The following CDH12 variants were observed in gnomAD, a reference collection of about 807,000 sequenced individuals.
CDH12 encodes the protein cadherin-12.
CDH12 carries 41 observed loss-of-function variants against 74.1 expected under a neutral mutation model. The observed-to-expected ratio is 0.55, with a 90% CI of 0.43 to 0.72. The LOEUF (loss-of-function observed/expected upper bound fraction) is 0.72, where lower values mean the gene tolerates loss of function less well. Among genes scored for constraint, CDH12 ranks in the 30% least tolerant of loss-of-function variants. The pLI is 0.00. For synonymous variants in CDH12, 399 were observed against 355.0 expected (o/e 1.12, Z -1.39); for missense variants, 945 against 977.2 (o/e 0.97, Z 0.44).
At chr5:21,846,985 A>G (rs550944702) in intron 7 of CDH12, among the ~76,000 whole-genome samples, 4 of 152,204 alleles carry the variant, frequency 2.6e-5, no homozygotes, top group South Asian at 4.1e-4. Context: ...TCTCCACCCA[A>G]TGAGGTTTAT....
intron 3 of CDH12, among the ~76,000 whole-genome samples, chr5:22,335,246 T>C (rs1473125797): frequency 2.6e-5 from 4 of 152,128 alleles, no homozygotes; most frequent in African/African-American, 2.4e-5. Flanking sequence ...TTCCCACATG[T>C]TGTGGGAGGG....
intron 3 of CDH12, among the ~76,000 whole-genome samples, chr5:22,345,526 C>T (rs1214456080): frequency 6.6e-6 from 1 of 152,162 alleles, no homozygotes; most frequent in Non-Finnish European, 1.5e-5. Flanking sequence ...CCTTTTAACA[C>T]TAATCAATAT....
In CDH12 at chr5:22,145,763, G is replaced by A. The variant is rs1379445791; in HGVS notation, c.-187+66735C>T. Among the ~76,000 whole-genome samples the A allele has an allele frequency of 7.2e-5, 11 of 152,180 alleles. No individual in the cohort carries two copies. The South Asian group carries it at 2.1e-3, about 29-fold the overall frequency. On this transcript the variant is annotated intron_variant, in intron 4 of 14. Coordinates refer to ENST00000382254, the MANE Select transcript of CDH12 (RefSeq NM_004061.5). ...TCAATAGTTTCGAGACAGACATACA[G>A]TAGGGACATCGAAGGTACAAAATAG...
At chr5:22,020,774 C>A (rs1396269252) in intron 5 of CDH12, among the ~76,000 whole-genome samples, 1 of 151,860 alleles carries the variant, frequency 6.6e-6, no homozygotes, top group Admixed American at 6.6e-5. Context: ...CATAAAATGT[C>A]AATTACCACC....
chr5:21,928,170 T>C (rs776479360), intron 6 of CDH12, among the ~76,000 whole-genome samples: 7 of 152,204 alleles, frequency 4.6e-5, no homozygotes, highest in South Asian at 2.1e-4. Flanking sequence ...GCCATCTTTA[T>C]AGATATTGAA....
chr5:22,766,333 T>C (rs1472362927), intron 1 of CDH12, among the ~76,000 whole-genome samples: 6 of 151,848 alleles, frequency 4.0e-5, no homozygotes, highest in Admixed American at 3.9e-4. Context: ...TCATTTAGAG[T>C]TAGAAAAAAA....
intron 13 of CDH12, among the ~76,000 whole-genome samples, chr5:21,756,677 C>T (rs1395269893): frequency 6.6e-6 from 1 of 152,082 alleles, no homozygotes; most frequent in Admixed American, 6.6e-5. Context: ...GTCACAGTAA[C>T]CCCTAGAAAC....
chr5:22,209,167 AATCATAT>A (rs1297202370), intron 4 of CDH12, among the ~76,000 whole-genome samples: 1 of 152,164 alleles, frequency 6.6e-6, no homozygotes, highest in Admixed American at 6.5e-5. Flanking sequence ...TATGACAGCT[AATCATAT>A]TAAATTTTCC....
chr5:22,698,226 A>G (rs1253264946), intron 1 of CDH12, among the ~76,000 whole-genome samples: 1 of 145,572 alleles, frequency 6.9e-6, no homozygotes, highest in Non-Finnish European at 1.5e-5. Context: ...GGTTCAAGCA[A>G]TTCTCCTGCC....
At chr5:22,850,805 T>C (rs13172440) in intron 1 of CDH12, among the ~76,000 whole-genome samples, 60,468 of 151,882 alleles carry the variant, frequency 0.4, 12,547 homozygotes, top group Admixed American at 0.46. Flanking sequence ...TTTATATTTT[T>C]ACATGAAAAC....
intron 6 of CDH12, among the ~76,000 whole-genome samples, chr5:21,924,256 G>A (rs766570647): frequency 3.9e-5 from 6 of 152,198 alleles, no homozygotes; most frequent in African/African-American, 4.8e-5. Flanking sequence ...GGCCGGGCAC[G>A]GTGGTTCACG....
intron 4 of CDH12, among the ~76,000 whole-genome samples, chr5:22,144,901 A>G (rs1036816883): frequency 1.3e-5 from 2 of 152,158 alleles, no homozygotes; most frequent in African/African-American, 2.4e-5. Context: ...TAAATAGACT[A>G]TATATATTCT....
At chr5:22,742,000 G>A (rs1208236726) in intron 1 of CDH12, among the ~76,000 whole-genome samples, 1 of 152,074 alleles carries the variant, frequency 6.6e-6, no homozygotes, top group Non-Finnish European at 1.5e-5. Context: ...GGTCAATATG[G>A]TGAAACCCTG....
At chr5:21,963,149 T>C (rs1161703400) in intron 6 of CDH12, among the ~76,000 whole-genome samples, 1 of 152,104 alleles carries the variant, frequency 6.6e-6, no homozygotes, top group Non-Finnish European at 1.5e-5. Context: ...GATAGAGATT[T>C]AATTCTAATT....
chr5:22,174,696 T>C (rs1749229531), intron 4 of CDH12, among the ~76,000 whole-genome samples: 1 of 151,976 alleles, frequency 6.6e-6, no homozygotes, highest in South Asian at 2.1e-4. Context: ...AAGTAAAGAC[T>C]GAGTCAAAAT....
chr5:21,910,676 C>CTT (rs5866529), intron 6 of CDH12, among the ~76,000 whole-genome samples: 2,662 of 146,364 alleles, frequency 0.018, 36 homozygotes, highest in Middle Eastern at 0.032. Context: ...TAGGATTTAT[C>CTT]TTTTTTTTTT....
intron 5 of CDH12, among the ~76,000 whole-genome samples, chr5:22,043,008 A>C (rs1205517221): frequency 1.3e-5 from 2 of 152,086 alleles, no homozygotes. Flanking sequence ...CACTGGTGAA[A>C]TCTACTGAGC....
At chr5:22,412,523 T>G (rs559432131) in intron 2 of CDH12, among the ~76,000 whole-genome samples, 1 of 152,080 alleles carries the variant, frequency 6.6e-6, no homozygotes, top group South Asian at 2.1e-4. Context: ...ATTTGTGATT[T>G]TATTGTTTAT....
chr5:22,286,035 A>G (rs1737117689), intron 3 of CDH12, among the ~76,000 whole-genome samples: 2 of 152,058 alleles, frequency 1.3e-5, no homozygotes, highest in African/African-American at 4.8e-5. Context: ...GTGGTCTTAC[A>G]CGGTATTGAC....
Sources: gnomAD v4.1 joint callset for allele counts (sites outside exome capture counted in the v4.1 genomes callset) on GRCh38, gnomAD v4.1.1 for gene constraint, MANE v1.5 for transcripts, NCBI Gene and HGNC (gene_info 2026-07-23, HGNC 2026-07-21) for gene names.